The following LRRK2 variants were observed in gnomAD, a reference collection of about 807,000 sequenced individuals.
LRRK2 encodes the protein leucine rich repeat kinase 2.
Under a neutral mutation model 302.6 loss-of-function variants are expected in LRRK2, and 203 were observed. The ratio of observed to expected loss-of-function variants is 0.67; its 90% confidence interval spans 0.60 to 0.75. LRRK2 has a LOEUF of 0.75. Ranked by LOEUF, LRRK2 falls within the 30% of genes least tolerant of loss-of-function variation. The pLI is 0.00. For synonymous variants in LRRK2, 1,066 were observed against 1,031.9 expected (o/e 1.03, Z -0.63); for missense variants, 2,830 against 2,951.0 (o/e 0.96, Z 0.95).
In LRRK2 at chr12:40,277,977, T is replaced by C; in HGVS notation, c.2031T>C (p.His677=). ...ATTCATTTGACTTAGTAATATTCCA[T>C]CAAATGTCTTCCAATATCATGGAAC... ...VHHSFDLVIF[H]QMSSNIMEQK... The change falls in exon 17 of 51, where the codon CAT becomes CAC. Residue 677 remains histidine, a synonymous_variant. Transcript: ENST00000298910. 1 of 1,613,712 alleles carries C rather than the reference T, an allele frequency of 6.2e-7. No individual in the cohort carries two copies. The highest frequency in any genetic ancestry group is 8.5e-7 in the Non-Finnish European group (1 of 1,179,974).
chr12:40,298,152 T>C, intron 23 of LRRK2, 91 bp from the exon 24 acceptor site: 2 of 1,326,588 alleles, frequency 1.5e-6, no homozygotes, highest in Non-Finnish European at 2.1e-6. Context: ...TTGATGGTTC[T>C]AGTTACCAGA....
intron 14 of LRRK2, among the ~76,000 whole-genome samples, chr12:40,266,235 A>T (rs1218410951): frequency 6.6e-6 from 1 of 151,924 alleles, no homozygotes; most frequent in African/African-American, 2.4e-5. Flanking sequence ...ATGGGAGAAA[A>T]TTTTTGCAAT....
Position 40,337,244 on chromosome 12 carries a change from G to C in LRRK2, c.5948+2087G>C, listed in dbSNP as rs143144182. On this transcript the variant is annotated intron_variant, in intron 40 of 50. Coordinates refer to ENST00000298910, the MANE Select transcript of LRRK2 (RefSeq NM_198578.4). ...CATGCTCCTTTGGAGTCCCTTAAAT[G>C]CTGGAGCTGTTTAGAGTGACATACA... is the stretch of plus-strand genomic sequence containing the variant. Among the ~76,000 whole-genome samples, 6 of 152,272 alleles carry C rather than the reference G, an allele frequency of 3.9e-5. No individual in the cohort carries two copies. The East Asian group carries it at 9.6e-4, about 24-fold the overall frequency.
At chr12:40,349,474 A>G (rs1318811653) in intron 43 of LRRK2, among the ~76,000 whole-genome samples, 1 of 151,078 alleles carries the variant, frequency 6.6e-6, no homozygotes, top group African/African-American at 2.4e-5. Context: ...CAATCTGGAG[A>G]TGATATCCTT....
intron 44 of LRRK2, among the ~76,000 whole-genome samples, chr12:40,352,505 G>A (rs1030138253): frequency 4.1e-5 from 4 of 97,214 alleles, no homozygotes; most frequent in Admixed American, 1.2e-4. Flanking sequence ...GGTGTTTCTC[G>A]CAGAGGGGGA....
intron 47 of LRRK2, 131 bp downstream of exon 47, chr12:40,359,575 A>G: frequency 1.1e-6 from 1 of 872,808 alleles, no homozygotes; most frequent in Non-Finnish European, 1.7e-6. Flanking sequence ...CTATCATAAA[A>G]TTAAACTTTC....
intron 14 of LRRK2, among the ~76,000 whole-genome samples, chr12:40,270,131 C>A (rs553116129): frequency 6.6e-6 from 1 of 152,168 alleles, no homozygotes; most frequent in East Asian, 1.9e-4. Context: ...TAATGCTTGG[C>A]ACATAGTATG....
intron 23 of LRRK2, among the ~76,000 whole-genome samples, chr12:40,297,232 T>C (rs1312184407): frequency 1.3e-5 from 2 of 152,180 alleles, no homozygotes; most frequent in Non-Finnish European, 2.9e-5. Flanking sequence ...GCAAGCAAAA[T>C]AATTTTGGGA....
In LRRK2 at chr12:40,328,387, G is replaced by T; in HGVS notation, c.5684G>T (p.Arg1895Leu). ...GATGGCAGTTTTGGATCAGTTTACC[G>T]AGCAGCCTATGAAGGAGAAGAAGTG... ...LGDGSFGSVY[R>L]AAYEGEEVAV... Residue 1895 changes from arginine to leucine, a missense_variant, in exon 39 of 51, where the codon CGA becomes CTA. Transcript: ENST00000298910. 6.2e-7 allele frequency: 1 copy of T among 1,613,630 alleles called. No homozygotes were observed. Among genetic ancestry groups the T allele is most frequent in the Non-Finnish European group, 8.5e-7 (1 of 1,179,796 alleles).
At chr12:40,367,425 A>G in intron 50 of LRRK2, 1 of 422,090 alleles carries the variant, frequency 2.4e-6, no homozygotes, top group Non-Finnish European at 4.1e-6. Context: ...AATTTATTAA[A>G]TGTTGATACT....
In LRRK2 at chr12:40,328,432, A is replaced by C; in HGVS notation, c.5729A>C (p.Lys1910Thr). Residue 1910 changes from lysine (K) to threonine (T), a missense_variant, in exon 39 of 51, where the codon AAA (lysine) becomes ACA (threonine). Physicochemically the swap from Lys to Thr is moderately conservative, Grantham distance 78. This residue lies in a region of LRRK2 where 253 missense variants were observed against 346.7 expected (regional missense o/e 0.73). Coordinates refer to ENST00000298910, the MANE Select transcript of LRRK2 (RefSeq NM_198578.4). ...GEEVAVKIFN[K>T]HTSLRLLRQE... ...GAAGTGGCTGTGAAGATTTTTAATA[A>C]ACATACATCACTCAGGCTGTTAAGA... is the stretch of plus-strand genomic sequence containing the variant. The C allele has an allele frequency of 3.7e-6, 6 of 1,613,156 alleles. No individual in the cohort carries two copies. The highest frequency in any genetic ancestry group is 5.1e-6 in the Non-Finnish European group (6 of 1,179,360).
At position 40,284,071 on chromosome 12, in the gene LRRK2, T is replaced by A; in HGVS notation, c.2438T>A (p.Val813Asp). 1.2e-6 allele frequency: 2 copies of A among 1,613,496 alleles called. No homozygotes were observed. Among genetic ancestry groups the A allele is most frequent in the Non-Finnish European group, 1.7e-6 (2 of 1,179,558 alleles). ...CTTGGAGGATTTTGTATAGGAAAAG[T>A]TGAACCTTCTTGGCTTGGTCCTTTA... ...ICLGGFCIGKVEPSWLGPLFP... is the reference protein window; with the variant it reads ...ICLGGFCIGKDEPSWLGPLFP... The change falls in exon 19 of 51, where the codon GTT (valine) becomes GAT (aspartate). Residue 813 changes from valine (V) to aspartate (D), a missense_variant. By Grantham distance (152) the Val-to-Asp change is radical. Coordinates refer to ENST00000298910, the MANE Select transcript of LRRK2 (RefSeq NM_198578.4).
In LRRK2 at chr12:40,310,662, G is replaced by A. The variant is rs1480568971; in HGVS notation, c.4536+13G>A. On this transcript the variant is annotated intron_variant, in intron 31 of 50. Transcript: ENST00000298910. ...CCTTAATTTCAAGGTAACATGGTAG[G>A]CTGGTAGAGAAATGTAATTTATTGA... 6.2e-7 allele frequency: 1 copy of A among 1,611,222 alleles called. No homozygotes were observed. Among genetic ancestry groups the A allele is most frequent in the Non-Finnish European group, 8.5e-7 (1 of 1,178,028 alleles).
intron 45 of LRRK2, among the ~76,000 whole-genome samples, chr12:40,355,362 A>T: frequency 6.6e-6 from 1 of 152,088 alleles, no homozygotes; most frequent in East Asian, 1.9e-4. Flanking sequence ...GGGTGAGCTA[A>T]TGGAAACGTA....
At position 40,310,436 on chromosome 12, in the gene LRRK2, C is replaced by T. The variant is rs112998035; in HGVS notation, c.4323C>T (p.Arg1441=). 48 of 1,613,012 alleles carry T rather than the reference C, an allele frequency of 3.0e-5. No individual in the cohort carries two copies. Among genetic ancestry groups the T allele is most frequent in the Admixed American group, 1.0e-4 (6 of 59,844 alleles). ...MKPWLFNIKA[R]ASSSPVILVG... is the part of the protein sequence containing the mutation. Reference sequence around the variant, plus strand: ...TTTTGTGTCTTTCCCTCCAGGCTCGCGCTTCTTCTTCCCCTGTGATTCTCG... The same window carrying T: ...TTTTGTGTCTTTCCCTCCAGGCTCGTGCTTCTTCTTCCCCTGTGATTCTCG... Residue 1441 remains arginine, a synonymous_variant, in exon 31 of 51, where the codon CGC becomes CGT. Transcript: ENST00000298910.
At chr12:40,309,278 CTGTG>C in intron 30 of LRRK2, 45 bp downstream of exon 30, 1 of 1,532,314 alleles carries the variant, frequency 6.5e-7, no homozygotes, top group Non-Finnish European at 8.7e-7. Context: ...ATTCATGTGT[CTGTG>C]TGCGTGTGTG....
chr12:40,305,434 G>C (rs1215428715), intron 27 of LRRK2, among the ~76,000 whole-genome samples: 1 of 152,094 alleles, frequency 6.6e-6, no homozygotes, highest in Non-Finnish European at 1.5e-5. Flanking sequence ...TACTGAAGGA[G>C]CAGAATGAAG....
chr12:40,308,143 G>T (rs552476309), intron 28 of LRRK2, among the ~76,000 whole-genome samples: 10 of 152,174 alleles, frequency 6.6e-5, no homozygotes, highest in African/African-American at 1.7e-4. Context: ...GTATGTATAT[G>T]TGTGTATATA....
chr12:40,225,058 C>T lies in LRRK2; in HGVS notation c.-74C>T. 3.1e-6 allele frequency: 5 copies of T among 1,591,750 alleles called. No homozygotes were observed. The highest frequency in any genetic ancestry group is 4.3e-6 in the Non-Finnish European group (5 of 1,166,442). On this transcript the variant is annotated 5_prime_UTR_variant, in exon 1 of 51. Coordinates refer to ENST00000298910, the MANE Select transcript of LRRK2 (RefSeq NM_198578.4). ...TGAGCTCGCCCCCGGGGAGCTGTGGCCGGCGCCCCTGCCGGTTCCCTGAGC... is the reference window on the plus strand; with the variant it reads ...TGAGCTCGCCCCCGGGGAGCTGTGGTCGGCGCCCCTGCCGGTTCCCTGAGC...
Sources: allele counts gnomAD v4.1 joint callset (sites outside exome capture counted in the v4.1 genomes callset), GRCh38; gene constraint gnomAD v4.1.1; regional missense constraint gnomAD v4.1.1; transcripts MANE v1.5; gene names NCBI Gene and HGNC (gene_info 2026-07-23, HGNC 2026-07-21).